The following CHPF variants were observed in gnomAD, a reference collection of about 807,000 sequenced individuals.
CHPF encodes chondroitin polymerizing factor, non-catalytic subunit.
CHPF carries 34 observed loss-of-function variants against 55.1 expected under a neutral mutation model. That is an observed-to-expected ratio of 0.62 (90% confidence interval 0.47 to 0.82). The LOEUF (loss-of-function observed/expected upper bound fraction) is 0.82, where lower values mean the gene tolerates loss of function less well. Ranked by LOEUF, CHPF falls within the 40% of genes least tolerant of loss-of-function variation. The probability of loss-of-function intolerance (pLI) is 0.00; values close to 1 mark genes in which losing one functional copy is unlikely to be tolerated. For missense variants in CHPF, 961 were observed against 1,106.1 expected (o/e 0.87, Z 1.86); for synonymous variants, 489 against 496.6 (o/e 0.98, Z 0.20).
rs1243015520 is a variant in CHPF at position 219,542,919 on chromosome 2, T to C, written c.314+306A>G. 4.1e-6 allele frequency: 5 copies of C among 1,204,830 alleles called. No individual in the cohort carries two copies. The South Asian group carries it at 1.2e-4, about 29-fold the overall frequency. 74.6% of individuals were successfully genotyped at this position (1,204,830 alleles called of 1,614,324 possible). On this transcript the variant is annotated intron_variant, in intron 1 of 3. Coordinates refer to ENST00000243776, the MANE Select transcript of CHPF (RefSeq NM_024536.6). Reference sequence around the variant, plus strand: ...CCTGTCTCTATACACTCACCCTATATATAAGTCATTTCTCTAACACCAGCA... The same window carrying C: ...CCTGTCTCTATACACTCACCCTATACATAAGTCATTTCTCTAACACCAGCA...
chr2:219,539,604 C>A lies in CHPF; in HGVS notation c.2107G>T (p.Glu703Ter). 6.2e-7 allele frequency: 1 copy of A among 1,613,940 alleles called. No individual in the cohort carries two copies. Among genetic ancestry groups the A allele is most frequent in the Non-Finnish European group, 8.5e-7 (1 of 1,179,968 alleles). Residue 703 changes from glutamate to a stop codon, truncating the protein, a stop_gained, in exon 4 of 4, where the codon GAG (glutamate) becomes TAG (stop). Transcript: ENST00000243776. LOFTEE classifies it high-confidence loss of function. ...AASEQEEELL[E>*]SLDVYELFLH... Reference sequence around the variant, plus strand: ...AACAGCTCGTACACATCCAGGCTCTCCAGCAGCTCCTCTTCTTGTTCTGAG... The same window carrying A: ...AACAGCTCGTACACATCCAGGCTCTACAGCAGCTCCTCTTCTTGTTCTGAG...
Position 219,539,377 on chromosome 2 carries a change from G to T in CHPF, c.*6C>A, listed in dbSNP as rs747911925. On this transcript the variant is annotated 3_prime_UTR_variant, in exon 4 of 4. Transcript: ENST00000243776. ...CCATGCCACGGCCCACGGGGACAGGGTGGGGTCAGGTGCTGTTGCCCTGCT... is the reference window on the plus strand; with the variant it reads ...CCATGCCACGGCCCACGGGGACAGGTTGGGGTCAGGTGCTGTTGCCCTGCT... 2.3e-5 allele frequency: 37 copies of T among 1,590,044 alleles called. No individual in the cohort carries two copies. Among genetic ancestry groups the T allele is most frequent in the Non-Finnish European group, 3.1e-5 (36 of 1,163,980 alleles).
At chr2:219,542,422 A>G (rs1292552852) in intron 1 of CHPF, among the ~76,000 whole-genome samples, 1 of 152,014 alleles carries the variant, frequency 6.6e-6, no homozygotes. Context: ...GATAGGAGAG[A>G]GATATTGTGG....
chr2:219,542,845 C>T lies in CHPF; in HGVS notation c.314+380G>A, dbSNP rs192592405. The T allele has an allele frequency of 9.8e-6, 10 of 1,024,550 alleles. No individual in the cohort carries two copies. The Admixed American group carries it at 5.0e-4, about 52-fold the overall frequency. 63.5% of individuals were successfully genotyped at this position (1,024,550 alleles called of 1,614,324 possible). A position where few individuals can be genotyped will look rare whatever the true frequency, so the allele number is the denominator to read the frequency against. On this transcript the variant is annotated intron_variant, in intron 1 of 3. Transcript: ENST00000243776. ...ACCCTGAGGTGGCCCTTGTAACCCA[C>T]TCAGGAACAAGAGATCCAGGTAAAT...
chr2:219,541,464 G>A, intron 2 of CHPF, 152 bp downstream of exon 2: 1 of 644,792 alleles, frequency 1.6e-6, no homozygotes, highest in Non-Finnish European at 2.6e-6. Flanking sequence ...CTGAAGCCCA[G>A]GATATTTAGT....
At position 219,542,023 on chromosome 2, in the gene CHPF, G is replaced by C; in HGVS notation, c.481C>G (p.Pro161Ala). The C allele has an allele frequency of 6.3e-7, 1 of 1,596,498 alleles. No individual in the cohort carries two copies. Among genetic ancestry groups the C allele is most frequent in the Non-Finnish European group, 8.5e-7 (1 of 1,173,948 alleles). Residue 161 changes from proline to alanine, a missense_variant, in exon 2 of 4, where the codon CCT (proline) becomes GCT (alanine). Coordinates refer to ENST00000243776, the MANE Select transcript of CHPF (RefSeq NM_024536.6). Reference protein sequence around the residue: ...LTGARGRRAPPGMAVVTLGEE... With the variant: ...LTGARGRRAPAGMAVVTLGEE... ...CCTAGCGTCACCACTGCCATGCCAG[G>C]TGGGGCCCGGCGGCCCCGTGCGCCC...
At chr2:219,540,715 G>A in intron 3 of CHPF, 73 bp from the exon 4 acceptor site, 1 of 1,439,838 alleles carries the variant, frequency 6.9e-7, no homozygotes. Context: ...GACTGGGTAG[G>A]CAGTAGGTGC....
Position 219,543,787 on chromosome 2 carries a change from G to T in CHPF, c.-249C>A, listed in dbSNP as rs1176070466. On this transcript the variant is annotated 5_prime_UTR_variant, in exon 1 of 4. Coordinates refer to ENST00000243776, the MANE Select transcript of CHPF (RefSeq NM_024536.6). ...CGGCACTGGAGCCTCAGCCGCGGCC[G>T]CAGCTGTCCGACGTGTCACTGCAAG... The T allele has an allele frequency of 1.8e-5, 8 of 454,384 alleles. No homozygotes were observed. Among genetic ancestry groups the T allele is most frequent in the Non-Finnish European group, 3.1e-5 (8 of 257,884 alleles). 28.1% of individuals were successfully genotyped at this position (454,384 alleles called of 1,614,324 possible). A position where few individuals can be genotyped will look rare whatever the true frequency, so the allele number is the denominator to read the frequency against.
chr2:219,541,492 A>G, intron 2 of CHPF, 124 bp downstream of exon 2: 1 of 759,354 alleles, frequency 1.3e-6, no homozygotes, highest in South Asian at 2.1e-5. Context: ...TGGGGGTCAC[A>G]GAGATAGAAA....
At position 219,539,699 on chromosome 2, in the gene CHPF, C is replaced by A. The variant is rs769220554; in HGVS notation, c.2012G>T (p.Arg671Leu). The A allele has an allele frequency of 6.2e-7, 1 of 1,613,346 alleles. No individual in the cohort carries two copies. Among genetic ancestry groups the A allele is most frequent in the Non-Finnish European group, 8.5e-7 (1 of 1,179,868 alleles). ...ELGRDTGRFD[R>L]QAASEACFYN... ...GAAGCAGGCCTCGCTGGCTGCCTGGCGATCAAAGCGGCCAGTGTCACGGCC... is the reference window on the plus strand; with the variant it reads ...GAAGCAGGCCTCGCTGGCTGCCTGGAGATCAAAGCGGCCAGTGTCACGGCC... Residue 671 changes from arginine (R) to leucine (L), a missense_variant, in exon 4 of 4, where the codon CGC (arginine) becomes CTC (leucine). Coordinates refer to ENST00000243776, the MANE Select transcript of CHPF (RefSeq NM_024536.6).
At position 219,542,160 on chromosome 2, in the gene CHPF, A is replaced by C. The variant is rs747873112; in HGVS notation, c.344T>G (p.Ile115Ser). The C allele has an allele frequency of 8.8e-6, 13 of 1,477,112 alleles. No homozygotes were observed. In the Admixed American group the frequency reaches 1.8e-4, roughly 21 times the overall value. The allele number at this position is 1,477,112 out of a possible 1,614,324, so 91.5% of individuals were successfully genotyped here. ...RTRYISTELG[I>S]RQRLLVAVLT... is the part of the protein sequence containing the mutation. ...CACCGCCACCAGCAGCCTCTGCCTG[A>C]TGCCCAGCTCCGTGCTGATGTAGCG... The change falls in exon 2 of 4, where the codon ATC becomes AGC. Residue 115 changes from isoleucine to serine, a missense_variant. Around this residue, in one of 3 missense-constraint regions of CHPF, gnomAD observed 936 missense variants for 1,058.4 expected, o/e 0.88. Coordinates refer to ENST00000243776, the MANE Select transcript of CHPF (RefSeq NM_024536.6).
intron 1 of CHPF, chr2:219,542,977 C>T (rs2105989044): frequency 7.8e-7 from 1 of 1,287,888 alleles, no homozygotes; most frequent in Non-Finnish European, 9.8e-7. Flanking sequence ...ATCTCTGGGG[C>T]GCCATCGGGT....
In CHPF at chr2:219,540,105, G is replaced by A. The variant is rs758277175; in HGVS notation, c.1606C>T (p.Pro536Ser). The change falls in exon 4 of 4, where the codon CCT becomes TCT. Residue 536 changes from proline (P) to serine (S), a missense_variant. Physicochemically the swap from Pro to Ser is moderately conservative, Grantham distance 74 (BLOSUM62 -1). This residue lies in a region of CHPF where 936 missense variants were observed against 1,058.4 expected (regional missense o/e 0.88). Transcript: ENST00000243776. ...LEAFATAALEPGDAAAALTLL... is the reference protein window; with the variant it reads ...LEAFATAALESGDAAAALTLL... ...GTCAGGGCTGCCGCAGCATCACCAG[G>A]CTCCAGTGCTGCAGTGGCAAAGGCC... The A allele has an allele frequency of 1.2e-6, 2 of 1,603,608 alleles. No homozygotes were observed. The highest frequency in any genetic ancestry group is 1.7e-6 in the Non-Finnish European group (2 of 1,175,608).
rs749514251 is a variant in CHPF at position 219,541,688 on chromosome 2, A to C, written c.816T>G (p.Ser272Arg). 1.2e-6 allele frequency: 2 copies of C among 1,611,356 alleles called. No homozygotes were observed. Among genetic ancestry groups the C allele is most frequent in the Non-Finnish European group, 1.7e-6 (2 of 1,178,548 alleles). ...GACCCAGCCACTCGTCAGGGCGCGC[A>C]CTGACGATGTCGTTGCGGCAGCCTT... ...HLEGCRNDIV[S>R]ARPDEWLGRC... is the part of the protein sequence containing the mutation. The change falls in exon 2 of 4, where the codon AGT becomes AGG. Residue 272 changes from serine to arginine, a missense_variant. This residue lies in a region of CHPF where 936 missense variants were observed against 1,058.4 expected (regional missense o/e 0.88). Transcript: ENST00000243776.
In CHPF at chr2:219,540,287, T is replaced by TG. The variant is rs1695240693; in HGVS notation, c.1423dup (p.Gln475ProfsTer30). On this transcript the variant is annotated frameshift_variant, in exon 4 of 4. Coordinates refer to ENST00000243776, the MANE Select transcript of CHPF (RefSeq NM_024536.6). LOFTEE classifies it high-confidence loss of function. Reference sequence around the variant, plus strand: ...GCGAGTGAGGGGCCGGCGGCCTCCCTGGGGGGTCAGTGCCTCCAGCTGCAA... The same window carrying TG: ...GCGAGTGAGGGGCCGGCGGCCTCCCTGGGGGGGTCAGTGCCTCCAGCTGCAA... 11 of 1,613,704 alleles carry TG rather than the reference T, an allele frequency of 6.8e-6. No homozygotes were observed. Among genetic ancestry groups the TG allele is most frequent in the South Asian group, 1.1e-5 (1 of 91,086 alleles).
Position 219,539,581 on chromosome 2 carries a change from C to T in CHPF, c.2130G>A (p.Leu710=), listed in dbSNP as rs751234187. 1.5e-5 allele frequency: 25 copies of T among 1,613,796 alleles called. No individual in the cohort carries two copies. In the South Asian group the frequency reaches 1.9e-4, roughly 12 times the overall value. The part of the protein sequence containing the change: ...ELLESLDVYE[L]FLHFSSLHVL... Reference sequence around the variant, plus strand: ...CATGCAGACTGGAGAAGTGGAGGAACAGCTCGTACACATCCAGGCTCTCCA... The same window carrying T: ...CATGCAGACTGGAGAAGTGGAGGAATAGCTCGTACACATCCAGGCTCTCCA... Residue 710 remains leucine, a synonymous_variant, in exon 4 of 4, where the codon CTG becomes CTA. Coordinates refer to ENST00000243776, the MANE Select transcript of CHPF (RefSeq NM_024536.6).
Position 219,543,272 on chromosome 2 carries a change from C to T in CHPF, c.267G>A (p.Leu89=). Residue 89 remains leucine (L), a synonymous_variant, in exon 1 of 4, where the codon TTG becomes TTA. Transcript: ENST00000243776. ...GGCCGGGCTGTGCAGGGTGGTAGGG[C>T]AAGACGCGCGGCTCCCAATTCTCCC... is the stretch of plus-strand genomic sequence containing the variant. The part of the protein sequence containing the change: ...GAGENWEPRV[L]PYHPAQPGQA... 6.4e-7 allele frequency: 1 copy of T among 1,574,556 alleles called. No homozygotes were observed.
Position 219,540,249 on chromosome 2 carries a change from G to A in CHPF, c.1462C>T (p.Leu488Phe), listed in dbSNP as rs1695239069. Residue 488 changes from leucine to phenylalanine, a missense_variant, in exon 4 of 4, where the codon CTC becomes TTC. Coordinates refer to ENST00000243776, the MANE Select transcript of CHPF (RefSeq NM_024536.6). Reference sequence around the variant, plus strand: ...ATCTCCACGCGGCTCAGCGGCCGGAGCAGCTGCACTCGGCGAGTGAGGGGC... The same window carrying A: ...ATCTCCACGCGGCTCAGCGGCCGGAACAGCTGCACTCGGCGAGTGAGGGGC... ...RRPLTRRVQL[L>F]RPLSRVEILP... 10 of 1,613,644 alleles carry A rather than the reference G, an allele frequency of 6.2e-6. No homozygotes were observed. In the Admixed American group the frequency reaches 8.3e-5, roughly 13 times the overall value.
chr2:219,542,775 G>A, intron 1 of CHPF: 1 of 337,624 alleles, frequency 3.0e-6, no homozygotes, highest in Non-Finnish European at 4.3e-6. Context: ...CAACTCATCA[G>A]CAGAGACATT....
Sources: gnomAD v4.1 joint callset for allele counts (sites outside exome capture counted in the v4.1 genomes callset) on GRCh38, gnomAD v4.1.1 for gene constraint, gnomAD v4.1.1 regional missense constraint, MANE v1.5 for transcripts, NCBI Gene and HGNC (gene_info 2026-07-23, HGNC 2026-07-21) for gene names.